Variants in CNTN5 observed in about 807,000 individuals in gnomAD.
CNTN5 encodes the protein contactin-5.
A neutral mutation model predicts 129.1 loss-of-function variants in CNTN5; 77 were observed. That is an observed-to-expected ratio of 0.60 (90% confidence interval 0.50 to 0.72). The LOEUF (loss-of-function observed/expected upper bound fraction) is 0.72. Among genes scored for constraint, CNTN5 ranks in the 30% least tolerant of loss-of-function variants. The pLI is 0.00. For missense variants in CNTN5, 1,478 were observed against 1,328.8 expected, an observed-to-expected ratio of 1.11 and a Z score of -1.75; for synonymous variants, 509 against 465.6, an observed-to-expected ratio of 1.09 and a Z score of -1.20.
chr11:100,016,723 G>A (rs1387261770), intron 9 of CNTN5, among the ~76,000 whole-genome samples: 1 of 151,934 alleles, frequency 6.6e-6, no homozygotes, highest in Non-Finnish European at 1.5e-5. Flanking sequence ...GTTTATGTAT[G>A]CACATGTGTG....
At chr11:99,744,278 A>C (rs1473819112) in intron 3 of CNTN5, among the ~76,000 whole-genome samples, 2 of 152,100 alleles carry the variant, frequency 1.3e-5, no homozygotes, top group African/African-American at 4.8e-5. Context: ...CTTCAAAAGA[A>C]AGTTACTCTG....
rs183618458 is a variant in CNTN5 at position 100,251,515 on chromosome 11, T to C, written c.2006-4245T>C. Among the ~76,000 whole-genome samples the C allele has an allele frequency of 2.4e-4, 36 of 152,242 alleles. 1 individual carries two copies. The highest frequency in any genetic ancestry group is 9.7e-4 in the East Asian group (5 of 5,178). On this transcript the variant is annotated intron_variant, in intron 16 of 24. Coordinates refer to ENST00000524871, the MANE Select transcript of CNTN5 (RefSeq NM_014361.4). ...TACAGTGGTCTATAGCCCTAGAACT[T>C]ATTCCTTCTGTCTAGCTGTACTTTT...
At chr11:99,347,680 A>T (rs984603435) in intron 2 of CNTN5, among the ~76,000 whole-genome samples, 4 of 151,936 alleles carry the variant, frequency 2.6e-5, no homozygotes, top group African/African-American at 7.3e-5. Context: ...TGTGTTTAGT[A>T]TGCGTTATTT....
At chr11:99,054,141 G>A (rs1018596834) in intron 1 of CNTN5, among the ~76,000 whole-genome samples, 8 of 151,880 alleles carry the variant, frequency 5.3e-5, no homozygotes, top group Non-Finnish European at 8.8e-5. Flanking sequence ...ACTAGGACTG[G>A]GACAAACCCT....
chr11:100,207,122 TTGTC>T (rs1430845652), intron 15 of CNTN5, among the ~76,000 whole-genome samples: 1 of 152,136 alleles, frequency 6.6e-6, no homozygotes, highest in African/African-American at 2.4e-5. Flanking sequence ...ATAGAGCTGT[TTGTC>T]TATTAACAGA....
rs983016321 is a variant in CNTN5 at position 99,147,531 on chromosome 11, G to A, written c.-210+126261G>A. ...AAGAAAGAAGCTTTCAGGAGCAATG[G>A]CATGATTTTGTAATGAAGGACAGAC... On this transcript the variant is annotated intron_variant, in intron 1 of 24. Coordinates refer to ENST00000524871, the MANE Select transcript of CNTN5 (RefSeq NM_014361.4). 8.5e-5 allele frequency among the ~76,000 whole-genome samples: 13 copies of A among 152,180 alleles called. No individual in the cohort carries two copies. The East Asian group carries it at 2.5e-3, about 29-fold the overall frequency.
At chr11:99,594,183 G>A (rs1052954735) in intron 3 of CNTN5, among the ~76,000 whole-genome samples, 2 of 152,150 alleles carry the variant, frequency 1.3e-5, no homozygotes, top group African/African-American at 4.8e-5. Flanking sequence ...TTGTGAAGAA[G>A]CATTTTATCC....
In CNTN5 at chr11:99,852,125, G is replaced by T. The variant is rs183554571; in HGVS notation, c.577+6863G>T. 3.8e-3 allele frequency among the ~76,000 whole-genome samples: 571 copies of T among 152,160 alleles called. 2 individuals carry two copies. Among genetic ancestry groups the T allele is most frequent in the African/African-American group, 0.011 (474 of 41,524 alleles). On this transcript the variant is annotated intron_variant, in intron 6 of 24. Coordinates refer to ENST00000524871, the MANE Select transcript of CNTN5 (RefSeq NM_014361.4). Reference sequence around the variant, plus strand: ...AGATGTTATTACAAAATAAATTAGTGTTTGTAACTTTATCTTCCATATACA... The same window carrying T: ...AGATGTTATTACAAAATAAATTAGTTTTTGTAACTTTATCTTCCATATACA...
chr11:99,943,747 C>G (rs374253408), intron 7 of CNTN5, among the ~76,000 whole-genome samples: 2 of 152,232 alleles, frequency 1.3e-5, no homozygotes, highest in East Asian at 1.9e-4. Context: ...CTGTTTTCTG[C>G]ATATCGCTAC....
intron 18 of CNTN5, among the ~76,000 whole-genome samples, chr11:100,279,561 T>C (rs1412482426): frequency 6.6e-6 from 1 of 151,948 alleles, no homozygotes; most frequent in African/African-American, 2.4e-5. Flanking sequence ...TGTCTAGAAA[T>C]TTGTCCATTT....
chr11:99,575,428 A>G (rs1011777419), intron 3 of CNTN5, among the ~76,000 whole-genome samples: 1 of 152,182 alleles, frequency 6.6e-6, no homozygotes, highest in African/African-American at 2.4e-5. Flanking sequence ...GTGTCTGCAG[A>G]GAGGAAAGAT....
At chr11:99,076,108 C>T (rs1177766098) in intron 1 of CNTN5, among the ~76,000 whole-genome samples, 4 of 151,866 alleles carry the variant, frequency 2.6e-5, no homozygotes, top group African/African-American at 7.3e-5. Flanking sequence ...CCGAGGTGGG[C>T]GGATTACCTG....
At chr11:99,544,004 G>A (rs950254387) in intron 2 of CNTN5, among the ~76,000 whole-genome samples, 1 of 150,966 alleles carries the variant, frequency 6.6e-6, no homozygotes, top group African/African-American at 2.4e-5. Context: ...GGGACATTGT[G>A]TTAAACTATT....
At chr11:99,659,209 A>C (rs1037236694) in intron 3 of CNTN5, among the ~76,000 whole-genome samples, 3 of 152,188 alleles carry the variant, frequency 2.0e-5, no homozygotes, top group African/African-American at 7.2e-5. Flanking sequence ...TGAGAAGCAG[A>C]GAAAGTCAGA....
chr11:99,513,753 C>CA lies in CNTN5; in HGVS notation c.-70-42388dup, dbSNP rs1267056652. Among the ~76,000 whole-genome samples, 16 of 151,518 alleles carry CA rather than the reference C, an allele frequency of 1.1e-4. 1 individual carries two copies. In the Middle Eastern group the frequency reaches 0.013, roughly 120 times the overall value. ...TCAGAGAAAAAAAAAAGATTCCTTTCAAAATATTACCATTCACTGACAAAG... is the reference window on the plus strand; with the variant it reads ...TCAGAGAAAAAAAAAAGATTCCTTTCAAAAATATTACCATTCACTGACAAAG... On this transcript the variant is annotated intron_variant, in intron 2 of 24. Coordinates refer to ENST00000524871, the MANE Select transcript of CNTN5 (RefSeq NM_014361.4).
chr11:99,470,686 T>A (rs2135272878), intron 2 of CNTN5, among the ~76,000 whole-genome samples: 1 of 152,246 alleles, frequency 6.6e-6, no homozygotes, highest in East Asian at 1.9e-4. Flanking sequence ...AAACTTGATT[T>A]ACAAAAAAGG....
intron 3 of CNTN5, among the ~76,000 whole-genome samples, chr11:99,742,603 A>G (rs1472971471): frequency 6.6e-6 from 1 of 152,148 alleles, no homozygotes; most frequent in African/African-American, 2.4e-5. Context: ...TTTAAAAGCA[A>G]GTCAGATGGT....
chr11:99,983,958 G>A (rs1477209684), intron 8 of CNTN5, among the ~76,000 whole-genome samples: 1 of 152,074 alleles, frequency 6.6e-6, no homozygotes, highest in Non-Finnish European at 1.5e-5. Context: ...GAACATGATT[G>A]GTATCATAAG....
At chr11:100,031,464 C>T (rs748071037) in intron 9 of CNTN5, among the ~76,000 whole-genome samples, 9 of 152,098 alleles carry the variant, frequency 5.9e-5, no homozygotes, top group East Asian at 1.9e-4. Flanking sequence ...AGCCTATAAA[C>T]GGATGCATGA....
Sources: allele counts gnomAD v4.1 joint callset (sites outside exome capture counted in the v4.1 genomes callset), GRCh38; gene constraint gnomAD v4.1.1; transcripts MANE v1.5; gene names NCBI Gene and HGNC (gene_info 2026-07-23, HGNC 2026-07-21).